Variants in GSE1 observed in about 807,000 individuals in gnomAD.
The protein encoded by GSE1 is Gse1 coiled-coil protein.
GSE1 carries 32 observed loss-of-function variants against 112.6 expected under a neutral mutation model. That is an observed-to-expected ratio of 0.28 (90% CI 0.21 to 0.38). GSE1 has a LOEUF of 0.38. GSE1 is among the 10% of genes least tolerant of loss of function. The pLI is 1.00. For missense variants in GSE1, 2,348 were observed against 1,699.2 expected (o/e 1.38, Z -6.71); for synonymous variants, 1,115 against 735.6 (o/e 1.52, Z -8.35).
chr16:85,588,154 G>C (rs2046796260), intron 1 of GSE1, among the ~76,000 whole-genome samples: 1 of 152,196 alleles, frequency 6.6e-6, no homozygotes, highest in African/African-American at 2.4e-5. Context: ...CCTCTCCCCA[G>C]CTGGCCTCTT....
At chr16:85,522,819 A>G (rs1432307434) in intron 2 of GSE1, among the ~76,000 whole-genome samples, 1 of 151,874 alleles carries the variant, frequency 6.6e-6, no homozygotes, top group African/African-American at 2.4e-5. Flanking sequence ...GGATATATGT[A>G]TAAGTGTCAG....
chr16:85,495,753 C>G (rs1486372796), intron 2 of GSE1, among the ~76,000 whole-genome samples: 2 of 152,174 alleles, frequency 1.3e-5, no homozygotes, highest in African/African-American at 2.4e-5. Context: ...CCACCTTGGC[C>G]TCCCAAAGTG....
At chr16:85,284,974 A>G (rs2044975006) in intron 1 of GSE1, 1 of 152,264 alleles carries the variant, frequency 6.6e-6, no homozygotes, top group African/African-American at 2.4e-5. Context: ...CCGCTTACAA[A>G]TAGCACTGTG....
chr16:85,517,797 G>A (rs935602939), intron 2 of GSE1, among the ~76,000 whole-genome samples: 5 of 152,252 alleles, frequency 3.3e-5, no homozygotes, highest in South Asian at 2.1e-4. Context: ...GCCAGTGTCC[G>A]CCTCATGGCC....
chr16:85,672,534 A>G lies in GSE1; in HGVS notation c.3649A>G (p.Arg1217Gly). The G allele has an allele frequency of 6.2e-7, 1 of 1,603,220 alleles. No individual in the cohort carries two copies. Among genetic ancestry groups the G allele is most frequent in the Non-Finnish European group, 8.5e-7 (1 of 1,171,584 alleles). ...WPRGYLKGYPR is the reference protein window; with the variant it reads ...WPRGYLKGYPG ...TAGGGGCTACCTGAAGGGATATCCC[A>G]GGTGACGGTTTCCCTTGCACTAGGC... Residue 1217 changes from arginine (R) to glycine (G), a missense_variant, in exon 16 of 16, where the codon AGG becomes GGG. Physicochemically the swap from Arg to Gly is moderately radical, Grantham distance 125. Coordinates refer to ENST00000253458, the MANE Select transcript of GSE1 (RefSeq NM_014615.5).
chr16:85,455,762 G>C (rs993040214), intron 2 of GSE1, among the ~76,000 whole-genome samples: 1 of 152,232 alleles, frequency 6.6e-6, no homozygotes, highest in African/African-American at 2.4e-5. Context: ...ACAAGCTTGG[G>C]GGGAATGTGA....
chr16:85,605,382 GGT>G (rs2047658114), intron 1 of GSE1, among the ~76,000 whole-genome samples: 1 of 152,044 alleles, frequency 6.6e-6, no homozygotes, highest in Non-Finnish European at 1.5e-5. Context: ...CTGCCCATCT[GGT>G]CTGGCGCCGA....
At chr16:85,310,898 A>G (rs1376503019) in intron 1 of GSE1, among the ~76,000 whole-genome samples, 9 of 151,762 alleles carry the variant, frequency 5.9e-5, no homozygotes, top group Non-Finnish European at 1.3e-4. Flanking sequence ...GTGTCTGCTC[A>G]GGGGCTGGGG....
At chr16:85,320,868 C>T (rs1408481060) in intron 1 of GSE1, among the ~76,000 whole-genome samples, 1 of 152,110 alleles carries the variant, frequency 6.6e-6, no homozygotes, top group Non-Finnish European at 1.5e-5. Flanking sequence ...ATGCTTGTGC[C>T]CCAGGGCCTT....
exon 1 of GSE1, chr16:85,171,287 G>T: frequency 2.0e-6 from 2 of 985,606 alleles, no homozygotes; most frequent in Non-Finnish European, 2.4e-6. Context: ...GCCCAGGGCG[G>T]CCCCGTGTCC....
At chr16:85,654,199 A>T in intron 3 of GSE1, 79 bp from the exon 4 acceptor site, 2 of 1,323,574 alleles carry the variant, frequency 1.5e-6, no homozygotes, top group Non-Finnish European at 2.1e-6. Flanking sequence ...CCTTCCCGTG[A>T]GTCAGGAGAC....
intron 2 of GSE1, among the ~76,000 whole-genome samples, chr16:85,403,855 G>C (rs868351847): frequency 6.6e-6 from 1 of 152,160 alleles, no homozygotes; most frequent in African/African-American, 2.4e-5. Context: ...CTGGAGGCCA[G>C]AACTCCAGCA....
At chr16:85,566,972 T>G (rs562572430) in intron 1 of GSE1, among the ~76,000 whole-genome samples, 70 of 152,098 alleles carry the variant, frequency 4.6e-4, no homozygotes, top group Non-Finnish European at 8.7e-4. Context: ...CCTGTGTCAC[T>G]GTCGGAAGTG....
rs1307947488 is a variant in GSE1 at position 85,454,412 on chromosome 16, C to T, written c.2464+96769C>T. On this transcript the variant is annotated intron_variant, in intron 2 of 2. Coordinates refer to the GSE1 transcript ENST00000637419. ...AGGCAGAACGGCTCAGGAGGGGTGG[C>T]CAGCCAGGCTTGCCAGTGGGCCTTA... 3.3e-5 allele frequency among the ~76,000 whole-genome samples: 5 copies of T among 152,242 alleles called. No homozygotes were observed. In the South Asian group the frequency reaches 1.0e-3, roughly 31 times the overall value.
At chr16:85,631,971 C>T (rs989526588) in intron 1 of GSE1, among the ~76,000 whole-genome samples, 7 of 152,218 alleles carry the variant, frequency 4.6e-5, no homozygotes, top group South Asian at 2.1e-4. Context: ...GCGTGGCTGG[C>T]GGTGCGGAGC....
rs2048654164 is a variant in GSE1, at chr16:85,620,379, C to T, written c.7+6981C>T. On this transcript the variant is annotated intron_variant, in intron 1 of 15. Coordinates refer to ENST00000253458, the MANE Select transcript of GSE1 (RefSeq NM_014615.5). ...AACTGAATTCCCAGTGTACATTTAT[C>T]TTTGAGTGTATTTTTGTAATGTTTT... Among the ~76,000 whole-genome samples, 4 of 152,250 alleles carry T rather than the reference C, an allele frequency of 2.6e-5. No individual in the cohort carries two copies. In the South Asian group the frequency reaches 8.3e-4, roughly 31 times the overall value.
At chr16:85,586,282 TCAGCGTAAGAATTTGGGGGACA>T (rs2046687812) in intron 1 of GSE1, among the ~76,000 whole-genome samples, 1 of 152,246 alleles carries the variant, frequency 6.6e-6, no homozygotes, top group Non-Finnish European at 1.5e-5. Context: ...GGTTAGGACT[TCAGCGTAAGAATTTGGGGGACA>T]CAGTTTAGCC....
intron 2 of GSE1, among the ~76,000 whole-genome samples, chr16:85,436,009 C>T (rs2049238950): frequency 6.6e-6 from 1 of 152,160 alleles, no homozygotes; most frequent in Non-Finnish European, 1.5e-5. Flanking sequence ...TGGCGTGGGT[C>T]TGCATTTCCA....
intron 1 of GSE1, among the ~76,000 whole-genome samples, chr16:85,180,890 C>G (rs758242666): frequency 7.8e-4 from 118 of 152,222 alleles, no homozygotes; most frequent in Non-Finnish European, 1.5e-3. Flanking sequence ...AATTTACGTA[C>G]CAGTGATGTC....
Sources: allele counts gnomAD v4.1 joint callset (sites outside exome capture counted in the v4.1 genomes callset), GRCh38; gene constraint gnomAD v4.1.1; transcripts MANE v1.5; gene names NCBI Gene and HGNC (gene_info 2026-07-23, HGNC 2026-07-21).